The following DNAJC24 variants were observed in gnomAD, a reference collection of about 807,000 sequenced individuals.
DNAJC24 encodes DnaJ heat shock protein family (Hsp40) member C24.
Under a neutral mutation model 18.0 loss-of-function variants are expected in DNAJC24, and 17 were observed. The ratio of observed to expected loss-of-function variants is 0.94; its 90% confidence interval spans 0.65 to 1.42. The LOEUF is 1.42. Among genes scored for constraint, DNAJC24 ranks in the 40% most tolerant of loss-of-function variants. The pLI is 0.00. For synonymous variants in DNAJC24, 55 were observed against 57.7 expected (o/e 0.95, Z 0.21); for missense variants, 158 against 175.6 (o/e 0.90, Z 0.57).
At chr11:31,390,444 A>G (rs952225757) in intron 2 of DNAJC24, among the ~76,000 whole-genome samples, 3 of 150,622 alleles carry the variant, frequency 2.0e-5, no homozygotes, top group African/African-American at 7.3e-5. Context: ...GCGGTGGCTC[A>G]TGCCTGTAAT....
intron 2 of DNAJC24, among the ~76,000 whole-genome samples, chr11:31,381,337 C>T (rs914769497): frequency 6.6e-6 from 1 of 151,930 alleles, no homozygotes; most frequent in African/African-American, 2.4e-5. Context: ...TTTTCTGTGT[C>T]ACAAATACAA....
chr11:31,418,516 G>C (rs943567963), intron 3 of DNAJC24, among the ~76,000 whole-genome samples: 2 of 152,080 alleles, frequency 1.3e-5, no homozygotes, highest in Admixed American at 1.3e-4. Context: ...TATGAGTTAA[G>C]TACTTCTCTG....
chr11:31,409,966 C>G (rs558951328), intron 2 of DNAJC24, among the ~76,000 whole-genome samples: 82 of 151,004 alleles, frequency 5.4e-4, no homozygotes, highest in African/African-American at 1.7e-3. Context: ...CTCACTGCAA[C>G]CTCTACCTCC....
chr11:31,395,929 T>C (rs1952539397), intron 2 of DNAJC24, among the ~76,000 whole-genome samples: 1 of 152,254 alleles, frequency 6.6e-6, no homozygotes, highest in Non-Finnish European at 1.5e-5. Context: ...CAGTTATCTC[T>C]TGTATCTTTA....
At chr11:31,379,229 A>G (rs965974703) in intron 2 of DNAJC24, among the ~76,000 whole-genome samples, 2 of 152,218 alleles carry the variant, frequency 1.3e-5, no homozygotes, top group Admixed American at 1.3e-4. Flanking sequence ...TGCGAGTGTT[A>G]CCACCTGAGC....
chr11:31,385,907 C>A (rs1952425468), intron 2 of DNAJC24, among the ~76,000 whole-genome samples: 1 of 152,094 alleles, frequency 6.6e-6, no homozygotes, highest in African/African-American at 2.4e-5. Flanking sequence ...CCTGCAGTGG[C>A]CACATGGCGT....
At chr11:31,377,487 A>G (rs1218465701) in intron 2 of DNAJC24, among the ~76,000 whole-genome samples, 1 of 152,102 alleles carries the variant, frequency 6.6e-6, no homozygotes, top group African/African-American at 2.4e-5. Flanking sequence ...TAAAAAATAA[A>G]AGTAATTGAA....
At chr11:31,381,124 C>T (rs1381076861) in intron 2 of DNAJC24, among the ~76,000 whole-genome samples, 2 of 152,044 alleles carry the variant, frequency 1.3e-5, no homozygotes, top group Non-Finnish European at 2.9e-5. Context: ...GTAACTATTA[C>T]TTGTAAGGTA....
rs1427983171 is a variant in DNAJC24, at chr11:31,396,794, ACT to A, written c.112-18012_112-18011del. ...TCCACATTTCTTGGCATACTAAAAA[ACT>A]CTCTATGATTTGACCCCAGTCTAGC... On this transcript the variant is annotated intron_variant, in intron 2 of 4. Transcript: ENST00000465995. 4.0e-5 allele frequency among the ~76,000 whole-genome samples: 6 copies of A among 151,094 alleles called. No homozygotes were observed. The East Asian group carries it at 9.8e-4, about 25-fold the overall frequency.
chr11:31,410,118 G>T (rs1037285604), intron 2 of DNAJC24, among the ~76,000 whole-genome samples: 1 of 151,940 alleles, frequency 6.6e-6, no homozygotes, highest in Admixed American at 6.6e-5. Context: ...CCTGACCTCA[G>T]GTGATCTGCC....
intron 3 of DNAJC24, among the ~76,000 whole-genome samples, chr11:31,425,390 T>A (rs1440049367): frequency 6.6e-6 from 1 of 152,192 alleles, no homozygotes; most frequent in African/African-American, 2.4e-5. Context: ...GAGAACAGCT[T>A]TCTATTAGTC....
In DNAJC24 at chr11:31,431,956, C is replaced by T. The variant is rs1333253459; in HGVS notation, c.*1555C>T. ...ATAGCCAACTACAGATGGCATATGC[C>T]TTAAAGATGCATTTTTCTATGTATT... On this transcript the variant is annotated 3_prime_UTR_variant, in exon 5 of 5. Transcript: ENST00000465995. 3 of 152,380 alleles carry T rather than the reference C, an allele frequency of 2.0e-5. No homozygotes were observed. The highest frequency in any genetic ancestry group is 4.4e-5 in the Non-Finnish European group (3 of 68,264). 9.4% of individuals were successfully genotyped at this position (152,380 alleles called of 1,614,324 possible).
chr11:31,390,773 C>T (rs1952487736), intron 2 of DNAJC24, among the ~76,000 whole-genome samples: 1 of 151,058 alleles, frequency 6.6e-6, no homozygotes, highest in Non-Finnish European at 1.5e-5. Flanking sequence ...GATTCACTGC[C>T]GAATTCTACC....
intron 2 of DNAJC24, among the ~76,000 whole-genome samples, chr11:31,405,446 T>C (rs1448448085): frequency 6.6e-6 from 1 of 151,874 alleles, no homozygotes; most frequent in Non-Finnish European, 1.5e-5. Context: ...CTTAGTCCAT[T>C]TCATGCTGCT....
chr11:31,412,121 C>T (rs1482515562), intron 2 of DNAJC24, among the ~76,000 whole-genome samples: 1 of 152,080 alleles, frequency 6.6e-6, no homozygotes, highest in Non-Finnish European at 1.5e-5. Flanking sequence ...CTTTGACTAT[C>T]ATAGAACTGA....
chr11:31,423,513 G>A (rs897482671), intron 3 of DNAJC24, among the ~76,000 whole-genome samples: 2 of 152,004 alleles, frequency 1.3e-5, no homozygotes, highest in Admixed American at 1.3e-4. Flanking sequence ...CACCCGCCTC[G>A]GCCTCCCAGA....
intron 2 of DNAJC24, among the ~76,000 whole-genome samples, chr11:31,380,024 C>T (rs1026177606): frequency 1.3e-5 from 2 of 152,182 alleles, no homozygotes; most frequent in Admixed American, 1.3e-4. Context: ...CCCGCCTCAG[C>T]CTCCCAAAAT....
rs984044979 is a variant in DNAJC24 at position 31,374,645 on chromosome 11, G to A, written c.111+3786G>A. 2.2e-5 allele frequency among the ~76,000 whole-genome samples: 3 copies of A among 134,584 alleles called. 1 individual carries two copies. Among genetic ancestry groups the A allele is most frequent in the African/African-American group, 5.0e-5 (2 of 40,186 alleles). 88.3% of individuals were successfully genotyped at this position (134,584 alleles called of 152,430 possible). ...ATTGTGATTTCTGGCTTTATAGTGAGGAAGAGAGGTGGAGGGCTAACCATT... is the reference window on the plus strand; with the variant it reads ...ATTGTGATTTCTGGCTTTATAGTGAAGAAGAGAGGTGGAGGGCTAACCATT... On this transcript the variant is annotated intron_variant, in intron 2 of 4. Transcript: ENST00000465995.
chr11:31,385,033 A>G (rs2133473291), intron 2 of DNAJC24: 1 of 152,356 alleles, frequency 6.6e-6, no homozygotes, highest in Admixed American at 6.5e-5. Flanking sequence ...AGTTTAATGC[A>G]TCTTTTAGTT....
Sources: gnomAD v4.1 joint callset for allele counts (sites outside exome capture counted in the v4.1 genomes callset) on GRCh38, gnomAD v4.1.1 for gene constraint, MANE v1.5 for transcripts, NCBI Gene and HGNC (gene_info 2026-07-23, HGNC 2026-07-21) for gene names.